Variants in LRP1B observed in about 807,000 individuals in gnomAD.
LRP1B encodes low-density lipoprotein receptor-related protein 1B.
A neutral mutation model predicts 556.6 loss-of-function variants in LRP1B; 217 were observed. The observed-to-expected ratio is 0.39, with a 90% CI of 0.35 to 0.44. LRP1B has a LOEUF of 0.44. Among genes scored for constraint, LRP1B ranks in the 20% least tolerant of loss-of-function variants. LRP1B has a pLI of 1.00. For missense variants in LRP1B, 5,053 were observed against 5,620.8 expected, an observed-to-expected ratio of 0.90 and a Z score of 3.23; for synonymous variants, 2,047 against 1,865.8, an observed-to-expected ratio of 1.10 and a Z score of -2.50.
At chr2:140,289,989 A>G (rs1683308006) in intron 84 of LRP1B, among the ~76,000 whole-genome samples, 1 of 152,046 alleles carries the variant, frequency 6.6e-6, no homozygotes, top group South Asian at 2.1e-4. Flanking sequence ...TTGCTAGAGC[A>G]CAGAAAAATA....
chr2:141,399,407 C>T (rs1467839205), intron 3 of LRP1B, among the ~76,000 whole-genome samples: 5 of 149,432 alleles, frequency 3.3e-5, no homozygotes, highest in Non-Finnish European at 6.0e-5. Flanking sequence ...GGCAAATATA[C>T]ATGAAAACAA....
chr2:140,509,209 C>G (rs938510498), intron 52 of LRP1B, among the ~76,000 whole-genome samples: 7 of 152,116 alleles, frequency 4.6e-5, no homozygotes, highest in African/African-American at 1.7e-4. Context: ...GCGGAGTTCG[C>G]AGCATTATTT....
chr2:140,658,572 C>G (rs115230718), intron 41 of LRP1B, among the ~76,000 whole-genome samples: 9,224 of 152,008 alleles, frequency 0.061, 319 homozygotes, highest in Admixed American at 0.079. Flanking sequence ...GTTTTCCCAC[C>G]TTTAATTTAT....
chr2:141,899,550 C>T (rs900901121), intron 1 of LRP1B, among the ~76,000 whole-genome samples: 1 of 152,048 alleles, frequency 6.6e-6, no homozygotes, highest in Non-Finnish European at 1.5e-5. Flanking sequence ...GCTTTTGAAA[C>T]ATTTCCAATT....
At chr2:140,419,217 T>C (rs1467738391) in intron 66 of LRP1B, among the ~76,000 whole-genome samples, 1 of 152,220 alleles carries the variant, frequency 6.6e-6, no homozygotes, top group African/African-American at 2.4e-5. Context: ...ATAAAGGTTA[T>C]TTCCTAATGA....
chr2:142,017,327 G>T (rs1163136060), intron 1 of LRP1B, among the ~76,000 whole-genome samples: 1 of 152,024 alleles, frequency 6.6e-6, no homozygotes, highest in African/African-American at 2.4e-5. Context: ...TTGTGAATGT[G>T]TTAGTGAGAA....
At chr2:141,966,328 A>G (rs977745399) in intron 1 of LRP1B, among the ~76,000 whole-genome samples, 3 of 151,872 alleles carry the variant, frequency 2.0e-5, no homozygotes, top group African/African-American at 7.2e-5. Context: ...TGTTGTGAAG[A>G]AAAACAAAGC....
At chr2:142,045,142 GAAAA>G (rs34255275) in intron 1 of LRP1B, among the ~76,000 whole-genome samples, 11 of 145,198 alleles carry the variant, frequency 7.6e-5, no homozygotes, top group African/African-American at 2.5e-4. Flanking sequence ...ACCCAAGGGG[GAAAA>G]AAAAAAAAAA....
At chr2:141,706,164 T>C (rs1331238479) in intron 2 of LRP1B, among the ~76,000 whole-genome samples, 1 of 152,026 alleles carries the variant, frequency 6.6e-6, no homozygotes, top group African/African-American at 2.4e-5. Context: ...AATGCAATCT[T>C]TTCTAATGTA....
At chr2:141,526,772 C>A (rs1432618860) in intron 2 of LRP1B, among the ~76,000 whole-genome samples, 1 of 151,956 alleles carries the variant, frequency 6.6e-6, no homozygotes, top group South Asian at 2.1e-4. Flanking sequence ...TAATGCTTTG[C>A]CCAAGCTTCC....
chr2:141,964,725 C>A (rs1029735934), intron 1 of LRP1B, among the ~76,000 whole-genome samples: 33 of 151,540 alleles, frequency 2.2e-4, no homozygotes, highest in Admixed American at 3.3e-4. Flanking sequence ...CAATGGCAAC[C>A]AAAGCCAAAA....
At chr2:141,271,655 A>G (rs181167120) in intron 3 of LRP1B, among the ~76,000 whole-genome samples, 211 of 152,032 alleles carry the variant, frequency 1.4e-3, no homozygotes, top group African/African-American at 4.8e-3. Context: ...TTACAAAATT[A>G]GAATTCAAAA....
intron 1 of LRP1B, among the ~76,000 whole-genome samples, chr2:142,127,283 A>G (rs1002856642): frequency 2.0e-5 from 3 of 151,906 alleles, no homozygotes; most frequent in Non-Finnish European, 4.4e-5. Flanking sequence ...TAATAATGAG[A>G]TAAAAACATT....
At chr2:140,684,696 T>C (rs1167028864) in intron 41 of LRP1B, among the ~76,000 whole-genome samples, 1 of 152,244 alleles carries the variant, frequency 6.6e-6, no homozygotes, top group Non-Finnish European at 1.5e-5. Context: ...TGTGCTTTAT[T>C]ACATGATATA....
intron 2 of LRP1B, among the ~76,000 whole-genome samples, chr2:141,706,143 T>C (rs1041765146): frequency 6.6e-6 from 1 of 152,050 alleles, no homozygotes; most frequent in Non-Finnish European, 1.5e-5. Context: ...CATGCTATCA[T>C]GCTTCCCTCC....
intron 2 of LRP1B, among the ~76,000 whole-genome samples, chr2:141,726,615 T>C (rs1042744820): frequency 2.6e-5 from 4 of 152,072 alleles, no homozygotes; most frequent in Admixed American, 6.6e-5. Flanking sequence ...GGTATATTAA[T>C]ATAAGTTAGA....
chr2:140,700,149 C>A, intron 41 of LRP1B, 101 bp downstream of exon 41: 2 of 1,061,090 alleles, frequency 1.9e-6, no homozygotes, highest in East Asian at 2.4e-5. Context: ...AATATAAAAT[C>A]TAGGAAAATG....
At chr2:140,886,021 G>A in intron 24 of LRP1B, 117 bp downstream of exon 24, 1 of 613,854 alleles carries the variant, frequency 1.6e-6, no homozygotes, top group Non-Finnish European at 2.8e-6. Context: ...ATATGAGGGA[G>A]GGGATAAAGG....
chr2:141,961,596 T>C (rs1202286664), intron 1 of LRP1B, among the ~76,000 whole-genome samples: 1 of 151,714 alleles, frequency 6.6e-6, no homozygotes, highest in East Asian at 1.9e-4. Context: ...AGATGCATAC[T>C]ATCCTGTTTT....
Sources: gnomAD v4.1 joint callset for allele counts (sites outside exome capture counted in the v4.1 genomes callset) on GRCh38, gnomAD v4.1.1 for gene constraint, MANE v1.5 for transcripts, NCBI Gene and HGNC (gene_info 2026-07-23, HGNC 2026-07-21) for gene names.